SGCE: variants seen among roughly 807,000 people sequenced by gnomAD.
SGCE encodes epsilon-sarcoglycan.
Under a neutral mutation model 57.8 loss-of-function variants are expected in SGCE, and 26 were observed. That is an observed-to-expected ratio of 0.45 (90% confidence interval 0.33 to 0.62). SGCE has a LOEUF of 0.62. Among genes scored for constraint, SGCE ranks in the 20% least tolerant of loss-of-function variants. The pLI is 0.02. For synonymous variants in SGCE, 183 were observed against 189.5 expected (o/e 0.97, Z 0.28); for missense variants, 468 against 548.6 (o/e 0.85, Z 1.47).
Position 94,600,772 on chromosome 7 carries a change from G to A in SGCE, c.911C>T (p.Pro304Leu). The change falls in exon 7 of 11, where the codon CCT becomes CTT. Residue 304 changes from proline to leucine, a missense_variant. Physicochemically the swap from Pro to Leu is moderately conservative, Grantham distance 98. Transcript: ENST00000648936. The stretch of plus-strand genomic sequence containing the variant: ...GTCTCTGCTTTTCAAAGAATCAGAA[G>A]GGGGTTTGTATTCTCCACCATCAGG... The part of the protein sequence containing the change: ...ILPDGGEYKP[P>L]SDSLKSRDYY... 6.2e-7 allele frequency: 1 copy of A among 1,613,644 alleles called. No homozygotes were observed.
intron 4 of SGCE, chr7:94,620,118 T>C (rs1802537745): frequency 6.6e-6 from 1 of 152,214 alleles, no homozygotes; most frequent in Non-Finnish European, 1.5e-5. Flanking sequence ...ATCTGTAAGA[T>C]ATTCCACTTT....
intron 1 of SGCE, among the ~76,000 whole-genome samples, chr7:94,651,348 A>G (rs1807843410): frequency 6.6e-6 from 1 of 152,208 alleles, no homozygotes; most frequent in Non-Finnish European, 1.5e-5. Flanking sequence ...GATCTTCATC[A>G]AAGTCATTCG....
At chr7:94,595,981 A>T (rs1584507581) in intron 9 of SGCE, among the ~76,000 whole-genome samples, 1 of 152,168 alleles carries the variant, frequency 6.6e-6, no homozygotes, top group South Asian at 2.1e-4. Flanking sequence ...CATTGTGAAC[A>T]TCATCAATTA....
intron 1 of SGCE, among the ~76,000 whole-genome samples, chr7:94,638,187 T>C (rs924343954): frequency 3.3e-5 from 5 of 152,226 alleles, no homozygotes; most frequent in African/African-American, 1.2e-4. Flanking sequence ...TTTTGTGATC[T>C]TTTCATGAGA....
At chr7:94,646,718 C>T (rs1807135400) in intron 1 of SGCE, among the ~76,000 whole-genome samples, 1 of 152,160 alleles carries the variant, frequency 6.6e-6, no homozygotes, top group Non-Finnish European at 1.5e-5. Context: ...CGTAAAGCTG[C>T]AGGAAAAATT....
At chr7:94,621,748 T>C (rs183643795) in intron 4 of SGCE, 30 of 152,312 alleles carry the variant, frequency 2.0e-4, no homozygotes, top group Admixed American at 1.2e-3. Context: ...GCTCATTAAG[T>C]GTATTCCAAT....
rs1797137435 is a variant in SGCE, at chr7:94,588,026, A to G, written c.1297+663T>C. The stretch of plus-strand genomic sequence containing the variant: ...ACAAAGGCATTAATGGTTCCCTGGC[A>G]ATTAGAACTAGGAATCAACCACTAA... On this transcript the variant is annotated intron_variant, in intron 10 of 10. Coordinates refer to ENST00000648936, the MANE Select transcript of SGCE (RefSeq NM_003919.3). The G allele has an allele frequency of 5.8e-6, 8 of 1,383,064 alleles. No homozygotes were observed. In the South Asian group the frequency reaches 1.4e-4, roughly 25 times the overall value. 85.7% of individuals were successfully genotyped at this position (1,383,064 alleles called of 1,614,324 possible). A position where few individuals can be genotyped will look rare whatever the true frequency, so the allele number is the denominator to read the frequency against.
In SGCE at chr7:94,588,699, C is replaced by A; in HGVS notation, c.1287G>T (p.Gln429His). The A allele has an allele frequency of 6.2e-7, 1 of 1,603,162 alleles. No homozygotes were observed. The highest frequency in any genetic ancestry group is 8.5e-7 in the Non-Finnish European group (1 of 1,170,154). ...NLPHQTQIPQQQTTGKWYP is the reference protein window; with the variant it reads ...NLPHQTQIPQHQTTGKWYP ...ATTCTTAGCACTCACCTGTAGTCTG[C>A]TGTTGGGGAATCTGAGTCTGATGTG... The change falls in exon 10 of 11, where the codon CAG (glutamine) becomes CAT (histidine). Residue 429 changes from glutamine to histidine, a missense_variant. Coordinates refer to ENST00000648936, the MANE Select transcript of SGCE (RefSeq NM_003919.3).
intron 10 of SGCE, chr7:94,588,449 A>G: frequency 7.6e-7 from 1 of 1,323,304 alleles, no homozygotes; most frequent in Non-Finnish European, 9.7e-7. Context: ...TTCCTTAATT[A>G]GACAGGACCT....
intron 9 of SGCE, among the ~76,000 whole-genome samples, chr7:94,597,034 C>T (rs1391178618): frequency 6.6e-6 from 1 of 152,050 alleles, no homozygotes; most frequent in Non-Finnish European, 1.5e-5. Flanking sequence ...ACCAATTTTT[C>T]TCATCAGTAT....
intron 1 of SGCE, among the ~76,000 whole-genome samples, chr7:94,637,255 GTTA>G (rs200638358): frequency 0.011 from 1,664 of 152,196 alleles, 7 homozygotes; most frequent in Non-Finnish European, 0.018. Context: ...ACTAGTATTT[GTTA>G]TTATAATTTT....
At chr7:94,615,772 C>T in intron 5 of SGCE, among the ~76,000 whole-genome samples, 1 of 152,134 alleles carries the variant, frequency 6.6e-6, no homozygotes. Flanking sequence ...TCATAGCCAC[C>T]ATTTACACTA....
intron 9 of SGCE, chr7:94,589,461 T>G (rs1035495987): frequency 6.5e-6 from 1 of 152,684 alleles, no homozygotes; most frequent in Non-Finnish European, 1.5e-5. Flanking sequence ...TAATCCACTC[T>G]GCACATTGCT....
chr7:94,597,781 G>C (rs977485634), intron 9 of SGCE: 2 of 152,178 alleles, frequency 1.3e-5, no homozygotes, highest in African/African-American at 4.8e-5. Context: ...GCTGAGGCAG[G>C]CAGATCACCT....
chr7:94,649,486 A>G (rs1807580595), intron 1 of SGCE, among the ~76,000 whole-genome samples: 1 of 152,208 alleles, frequency 6.6e-6, no homozygotes, highest in African/African-American at 2.4e-5. Context: ...GCATTCAAGG[A>G]ATTACAAGTA....
intron 3 of SGCE, chr7:94,625,619 T>C (rs1803587794): frequency 1.3e-5 from 2 of 152,132 alleles, no homozygotes; most frequent in South Asian, 2.1e-4. Context: ...TTGCCTGTTT[T>C]TGAGCTCTAC....
intron 9 of SGCE, 39 bp from the exon 10 acceptor site, chr7:94,588,771 TA>T: frequency 6.2e-7 from 1 of 1,612,760 alleles, no homozygotes. Context: ...ACTGTTTGTT[TA>T]CACACTTGTA....
At chr7:94,586,157 T>A (rs1706040393) in intron 10 of SGCE, among the ~76,000 whole-genome samples, 1 of 150,406 alleles carries the variant, frequency 6.6e-6, no homozygotes, top group Non-Finnish European at 1.5e-5. Context: ...TTACTTGGTA[T>A]CCAAGACGCA....
intron 5 of SGCE, 51 bp from the exon 6 acceptor site, chr7:94,603,503 TA>T: frequency 6.5e-7 from 1 of 1,536,012 alleles, no homozygotes; most frequent in East Asian, 2.3e-5. Context: ...TTGAAAACAC[TA>T]AAAAACAATC....
Sources: allele counts gnomAD v4.1 joint callset (sites outside exome capture counted in the v4.1 genomes callset), GRCh38; gene constraint gnomAD v4.1.1; transcripts MANE v1.5; gene names NCBI Gene and HGNC (gene_info 2026-07-23, HGNC 2026-07-21).